Variants in MYO3A observed in about 807,000 individuals in gnomAD.
MYO3A encodes myosin-IIIa.
A neutral mutation model predicts 192.7 loss-of-function variants in MYO3A; 180 were observed. That is an observed-to-expected ratio of 0.93 (90% CI 0.83 to 1.06). The LOEUF (loss-of-function observed/expected upper bound fraction) is 1.06, where lower values mean the gene tolerates loss of function less well. MYO3A is among the 50% of genes least tolerant of loss of function. MYO3A has a pLI of 0.00. For synonymous variants in MYO3A, 628 were observed against 645.3 expected, an observed-to-expected ratio of 0.97 and a Z score of 0.41; for missense variants, 1,896 against 1,905.0, an observed-to-expected ratio of 1.00 and a Z score of 0.09.
At chr10:26,151,035 G>A (rs1840763013) in intron 23 of MYO3A, among the ~76,000 whole-genome samples, 1 of 152,092 alleles carries the variant, frequency 6.6e-6, no homozygotes, top group African/African-American at 2.4e-5. Flanking sequence ...TGTTCAGAGA[G>A]CGTACTTTGT....
intron 15 of MYO3A, among the ~76,000 whole-genome samples, chr10:26,092,883 C>A (rs7916320): frequency 0.48 from 73,316 of 152,048 alleles, 18,363 homozygotes; most frequent in Middle Eastern, 0.59. Context: ...TGATATGGTT[C>A]GTGACCCCGG....
At chr10:26,013,343 AAAG>A (rs138626387) in intron 6 of MYO3A, among the ~76,000 whole-genome samples, 14,257 of 152,154 alleles carry the variant, frequency 0.094, 1,166 homozygotes, top group African/African-American at 0.21. Flanking sequence ...CAGACAAACC[AAAG>A]AATGGGAGAC....
chr10:26,125,904 A>G (rs1428116587), intron 19 of MYO3A, among the ~76,000 whole-genome samples: 1 of 152,168 alleles, frequency 6.6e-6, no homozygotes, highest in Non-Finnish European at 1.5e-5. Flanking sequence ...GGTTTTTTTA[A>G]TTAGAAGTTG....
intron 4 of MYO3A, among the ~76,000 whole-genome samples, chr10:25,963,575 T>C (rs1019094592): frequency 3.9e-5 from 6 of 152,184 alleles, no homozygotes. Flanking sequence ...AGTGAGGAAC[T>C]GGGCTGCTGA....
chr10:26,157,206 A>T, intron 25 of MYO3A, 104 bp from the exon 26 acceptor site: 2 of 1,027,450 alleles, frequency 1.9e-6, no homozygotes, highest in Non-Finnish European at 3.0e-6. Context: ...AGCATTTATA[A>T]CATTCATTTT....
At chr10:26,198,871 G>A (rs1221423627) in intron 32 of MYO3A, among the ~76,000 whole-genome samples, 1 of 152,088 alleles carries the variant, frequency 6.6e-6, no homozygotes, top group East Asian at 1.9e-4. Context: ...TGGGACATTT[G>A]CTTCTTTATT....
intron 33 of MYO3A, among the ~76,000 whole-genome samples, chr10:26,202,284 G>A (rs1245769001): frequency 6.6e-6 from 1 of 152,142 alleles, no homozygotes; most frequent in East Asian, 1.9e-4. Flanking sequence ...TCTGTAATTT[G>A]AAAAGTGTGT....
chr10:26,086,818 G>A (rs1836354437), intron 14 of MYO3A, among the ~76,000 whole-genome samples: 2 of 152,148 alleles, frequency 1.3e-5, no homozygotes, highest in African/African-American at 2.4e-5. Flanking sequence ...CTGAACACTT[G>A]AATGAATTTT....
chr10:25,961,509 G>T (rs923082163), intron 4 of MYO3A, among the ~76,000 whole-genome samples: 30 of 149,206 alleles, frequency 2.0e-4, no homozygotes, highest in African/African-American at 6.8e-4. Context: ...TTTGAATTTT[G>T]TCCTTATAAT....
intron 26 of MYO3A, among the ~76,000 whole-genome samples, 181 bp downstream of exon 26, chr10:26,157,696 C>T (rs1198944072): frequency 6.6e-6 from 1 of 152,150 alleles, no homozygotes; most frequent in African/African-American, 2.4e-5. Flanking sequence ...AGACTCTGGA[C>T]AGATGGGTGG....
chr10:26,193,923 GC>G (rs1421812580), intron 32 of MYO3A, among the ~76,000 whole-genome samples: 1 of 152,128 alleles, frequency 6.6e-6, no homozygotes, highest in African/African-American at 2.4e-5. Flanking sequence ...CATTGGCGTT[GC>G]CCCTGATCGC....
chr10:25,999,507 A>G (rs2130918059), intron 6 of MYO3A, among the ~76,000 whole-genome samples: 1 of 152,372 alleles, frequency 6.6e-6, no homozygotes, highest in Middle Eastern at 3.4e-3. Context: ...TCTTGAGGGC[A>G]GAAAGAACAA....
chr10:26,018,121 T>C (rs1842084096), intron 7 of MYO3A, among the ~76,000 whole-genome samples: 1 of 151,834 alleles, frequency 6.6e-6, no homozygotes, highest in Non-Finnish European at 1.5e-5. Context: ...CTTATTAATA[T>C]GCAGTTACTA....
intron 17 of MYO3A, among the ~76,000 whole-genome samples, chr10:26,120,099 G>A (rs1230110374): frequency 6.6e-6 from 1 of 152,028 alleles, no homozygotes; most frequent in African/African-American, 2.4e-5. Flanking sequence ...AGGAGGCAGA[G>A]GCGGTAGTGA....
intron 9 of MYO3A, 101 bp downstream of exon 9, chr10:26,024,188 C>CTAT: frequency 8.9e-7 from 1 of 1,125,640 alleles, no homozygotes; most frequent in Non-Finnish European, 1.3e-6. Context: ...CCAGAGATTT[C>CTAT]TATTATTTTC....
intron 9 of MYO3A, 89 bp from the exon 10 acceptor site, chr10:26,026,288 C>G: frequency 6.9e-7 from 1 of 1,459,700 alleles, no homozygotes; most frequent in Non-Finnish European, 9.4e-7. Flanking sequence ...GCATCACTCT[C>G]GTGTGTTAGA....
intron 7 of MYO3A, 68 bp from the exon 8 acceptor site, chr10:26,021,435 C>G: frequency 6.5e-7 from 1 of 1,543,236 alleles, no homozygotes; most frequent in Non-Finnish European, 9.0e-7. Flanking sequence ...ATGCTTTGTT[C>G]TAAGTATTTT....
chr10:26,115,230 A>G, intron 17 of MYO3A, among the ~76,000 whole-genome samples: 1 of 152,324 alleles, frequency 6.6e-6, no homozygotes, highest in South Asian at 2.1e-4. Context: ...TGGAAGACGG[A>G]TCGGCGAGTG....
At chr10:26,145,961 C>T (rs191643096) in intron 22 of MYO3A, among the ~76,000 whole-genome samples, 1 of 152,260 alleles carries the variant, frequency 6.6e-6, no homozygotes, top group Non-Finnish European at 1.5e-5. Flanking sequence ...GCCTGAGGAC[C>T]TTTGGTATAG....
Sources: allele counts gnomAD v4.1 joint callset (sites outside exome capture counted in the v4.1 genomes callset), GRCh38; gene constraint gnomAD v4.1.1; transcripts MANE v1.5; gene names NCBI Gene and HGNC (gene_info 2026-07-23, HGNC 2026-07-21).